The following C6 variants were observed in gnomAD, a reference collection of about 807,000 sequenced individuals.
C6 encodes the protein complement component C6.
C6 carries 101 observed loss-of-function variants against 112.9 expected under a neutral mutation model. That is an observed-to-expected ratio of 0.89 (90% CI 0.76 to 1.06). The LOEUF (loss-of-function observed/expected upper bound fraction) is 1.06. Among genes scored for constraint, C6 ranks in the 50% least tolerant of loss-of-function variants. The pLI is 0.00. For missense variants in C6, 1,202 were observed against 1,104.6 expected (o/e 1.09, Z -1.25); for synonymous variants, 431 against 384.1 (o/e 1.12, Z -1.43).
At chr5:41,148,395 T>G (rs73750293) in intron 17 of C6, among the ~76,000 whole-genome samples, 5,161 of 152,286 alleles carry the variant, frequency 0.034, 317 homozygotes, top group African/African-American at 0.12. Context: ...AAATTTGTAG[T>G]ATATACGGGG....
At chr5:41,187,028 C>T (rs944715841) in intron 5 of C6, among the ~76,000 whole-genome samples, 1 of 152,094 alleles carries the variant, frequency 6.6e-6, no homozygotes, top group Non-Finnish European at 1.5e-5. Flanking sequence ...TGCTGTATTA[C>T]ATAGATTATA....
At position 41,181,448 on chromosome 5, in the gene C6, T is replaced by A. The variant is rs1352066239; in HGVS notation, c.838A>T (p.Ser280Cys). ...TTTGAGGAATAAAAAATTGGTACAC[T>A]GAAAGAGCTCCCCCCCTGACTTGAG... ...SFSSQGGSSFSVPIFYSSKRS... is the reference protein window; with the variant it reads ...SFSSQGGSSFCVPIFYSSKRS... The change falls in exon 7 of 18, where the codon AGT becomes TGT. Residue 280 changes from serine to cysteine, a missense_variant. Coordinates refer to ENST00000337836, the MANE Select transcript of C6 (RefSeq NM_000065.5). The A allele has an allele frequency of 5.0e-6, 8 of 1,613,784 alleles. No homozygotes were observed. The Admixed American group carries it at 1.0e-4, about 20-fold the overall frequency.
intron 11 of C6, 136 bp downstream of exon 11, chr5:41,160,006 G>C: frequency 5.6e-6 from 4 of 718,526 alleles, no homozygotes; most frequent in South Asian, 5.0e-5. Context: ...CACACTTTTT[G>C]CAGGTTTATC....
chr5:41,198,508 G>T (rs1451480158), intron 4 of C6, among the ~76,000 whole-genome samples: 1 of 152,138 alleles, frequency 6.6e-6, no homozygotes, highest in Non-Finnish European at 1.5e-5. Context: ...CAGGGCATGG[G>T]TTACTCAGGG....
chr5:41,192,642 A>G (rs1243771239), intron 5 of C6, among the ~76,000 whole-genome samples: 1 of 151,732 alleles, frequency 6.6e-6, no homozygotes, highest in Non-Finnish European at 1.5e-5. Context: ...TTTCTTTTAG[A>G]TTTTCAAATT....
upstream of C6, among the ~76,000 whole-genome samples, chr5:41,214,998 C>T (rs1208604924): frequency 2.0e-5 from 3 of 152,218 alleles, no homozygotes; most frequent in Middle Eastern, 3.4e-3. Flanking sequence ...ATTGACCCAG[C>T]ACCAACTAAG....
At chr5:41,185,533 T>A (rs958738679) in intron 6 of C6, among the ~76,000 whole-genome samples, 1 of 152,144 alleles carries the variant, frequency 6.6e-6, no homozygotes, top group South Asian at 2.1e-4. Context: ...ATTCTGAGAG[T>A]AGGTAGTATG....
At chr5:41,187,728 C>T (rs369094310) in intron 5 of C6, among the ~76,000 whole-genome samples, 242 of 120,916 alleles carry the variant, frequency 2.0e-3, no homozygotes, top group African/African-American at 6.6e-3. Flanking sequence ...ACACACACAG[C>T]TTTTAAGTTT....
rs1304979790 is a variant in C6 at position 41,150,121 on chromosome 5, T to C, written c.2291-96A>G. ...AGAAGAGGCAGTGGTAAAGGATTCA[T>C]ATTTATCTCTTGGAGTTAGATCATT... is the stretch of plus-strand genomic sequence containing the variant. On this transcript the variant is annotated intron_variant, in intron 15 of 17. Transcript: ENST00000337836. 3 of 810,632 alleles carry C rather than the reference T, an allele frequency of 3.7e-6. No homozygotes were observed. The African/African-American group carries it at 5.1e-5, about 14-fold the overall frequency. The allele number at this position is 810,632 out of a possible 1,614,324, so 50.2% of individuals were successfully genotyped here.
At chr5:41,261,312 T>G in exon 1 of C6, 1 of 517,140 alleles carries the variant, frequency 1.9e-6, no homozygotes, top group Non-Finnish European at 2.5e-6. Context: ...TACTATATGA[T>G]GAAATATTTA....
At chr5:41,250,908 T>C (rs1741312998) in intron 1 of C6, among the ~76,000 whole-genome samples, 1 of 152,228 alleles carries the variant, frequency 6.6e-6, no homozygotes, top group Non-Finnish European at 1.5e-5. Flanking sequence ...TGTGAAAAGA[T>C]TCTATGTTTA....
intron 1 of C6, among the ~76,000 whole-genome samples, chr5:41,209,140 T>C (rs1580198354): frequency 6.6e-6 from 1 of 152,214 alleles, no homozygotes; most frequent in African/African-American, 2.4e-5. Flanking sequence ...TCTCAATAGA[T>C]GCAGAAAAGG....
chr5:41,168,397 G>A (rs1580096513), intron 9 of C6, among the ~76,000 whole-genome samples: 1 of 152,076 alleles, frequency 6.6e-6, no homozygotes, highest in Admixed American at 6.6e-5. Flanking sequence ...TTGCTGGAGG[G>A]TCAAAGAATA....
At chr5:41,192,290 A>G (rs1227433612) in intron 5 of C6, among the ~76,000 whole-genome samples, 1 of 152,094 alleles carries the variant, frequency 6.6e-6, no homozygotes, top group South Asian at 2.1e-4. Context: ...TCTGTTTGCT[A>G]GTATTTTGCT....
At chr5:41,179,583 C>T (rs73753113) in intron 7 of C6, among the ~76,000 whole-genome samples, 3,261 of 151,490 alleles carry the variant, frequency 0.022, 124 homozygotes, top group African/African-American at 0.074. Context: ...AATTCTGATA[C>T]TATCTTGTCT....
chr5:41,183,916 A>G (rs965367443), intron 6 of C6, among the ~76,000 whole-genome samples: 6 of 151,018 alleles, frequency 4.0e-5, no homozygotes, highest in African/African-American at 1.5e-4. Context: ...CTTATAAGTG[A>G]GAGCTAAACA....
At chr5:41,243,772 C>A (rs1740869812) in intron 1 of C6, among the ~76,000 whole-genome samples, 1 of 152,176 alleles carries the variant, frequency 6.6e-6, no homozygotes, top group African/African-American at 2.4e-5. Context: ...ATGTAAAAGG[C>A]AATCCAGAAA....
chr5:41,160,100 G>A, intron 11 of C6, 42 bp downstream of exon 11: 1 of 1,486,626 alleles, frequency 6.7e-7, no homozygotes, highest in Non-Finnish European at 9.4e-7. Flanking sequence ...ACTCTTTGGA[G>A]GGGAAAACTT....
chr5:41,159,522 T>C, intron 11 of C6: 1 of 968,010 alleles, frequency 1.0e-6, no homozygotes, highest in Non-Finnish European at 1.2e-6. Flanking sequence ...GAAACCTCTG[T>C]ATTCTTGGCT....
Sources: gnomAD v4.1 joint callset for allele counts (sites outside exome capture counted in the v4.1 genomes callset) on GRCh38, gnomAD v4.1.1 for gene constraint, MANE v1.5 for transcripts, NCBI Gene and HGNC (gene_info 2026-07-23, HGNC 2026-07-21) for gene names.